The following OXR1 variants were observed in gnomAD, a reference collection of about 807,000 sequenced individuals.
OXR1 encodes the protein oxidation resistance 1, also known as oxidation resistance protein 1.
In OXR1, 41 loss-of-function variants were observed where a neutral mutation model predicts 104.6. That is an observed-to-expected ratio of 0.39 (90% CI 0.31 to 0.51). The LOEUF is 0.51. Among genes scored for constraint, OXR1 ranks in the 20% least tolerant of loss-of-function variants. The probability of loss-of-function intolerance (pLI) is 0.77; values close to 1 mark genes in which losing one functional copy is unlikely to be tolerated. For missense variants in OXR1, 955 were observed against 1,031.9 expected (o/e 0.93, Z 1.02); for synonymous variants, 348 against 348.4 (o/e 1.00, Z 0.01).
intron 4 of OXR1, among the ~76,000 whole-genome samples, chr8:106,680,380 A>G (rs1828029672): frequency 6.6e-6 from 1 of 152,122 alleles, no homozygotes; most frequent in Non-Finnish European, 1.5e-5. Context: ...TTAGATATAT[A>G]CATGTTTTTA....
chr8:106,593,312 GGCTGCACCCATGA>G (rs1222691828), intron 3 of OXR1, among the ~76,000 whole-genome samples: 1 of 152,158 alleles, frequency 6.6e-6, no homozygotes. Flanking sequence ...CCCTGACACA[GGCTGCACCCATGA>G]AGGGGAGAGT....
At chr8:106,559,121 C>A (rs947119694) in intron 3 of OXR1, among the ~76,000 whole-genome samples, 1 of 152,074 alleles carries the variant, frequency 6.6e-6, no homozygotes, top group African/African-American at 2.4e-5. Context: ...TCTGAAATAC[C>A]CCATTTAATC....
At chr8:106,387,398 C>T (rs780333282) in intron 2 of OXR1, among the ~76,000 whole-genome samples, 1 of 152,192 alleles carries the variant, frequency 6.6e-6, no homozygotes, top group Non-Finnish European at 1.5e-5. Context: ...CTCTCTCCAT[C>T]TAGACACAAT....
chr8:106,499,109 C>A (rs1282924822), intron 2 of OXR1, among the ~76,000 whole-genome samples: 1 of 16,448 alleles, frequency 6.1e-5, no homozygotes, highest in East Asian at 4.7e-4. Context: ...TTGCAGTGAG[C>A]CGAGATTGCG....
At chr8:106,727,772 CATGCCTGAGCAAG>C (rs1833493586) in intron 11 of OXR1, among the ~76,000 whole-genome samples, 1 of 152,096 alleles carries the variant, frequency 6.6e-6, no homozygotes, top group South Asian at 2.1e-4. Context: ...TACTTTATTT[CATGCCTGAGCAAG>C]AATGCTTCCT....
intron 1 of OXR1, among the ~76,000 whole-genome samples, chr8:106,320,087 G>T (rs1459990336): frequency 6.6e-6 from 1 of 152,196 alleles, no homozygotes; most frequent in Non-Finnish European, 1.5e-5. Context: ...ATGTAATGAT[G>T]CATTCAAAGC....
At chr8:106,669,669 T>G (rs1448518878) in intron 3 of OXR1, among the ~76,000 whole-genome samples, 1 of 152,192 alleles carries the variant, frequency 6.6e-6, no homozygotes, top group Non-Finnish European at 1.5e-5. Context: ...GTCAAACTTT[T>G]TATACATAGC....
intron 3 of OXR1, among the ~76,000 whole-genome samples, chr8:106,568,818 G>A (rs1399227091): frequency 2.0e-5 from 3 of 152,038 alleles, no homozygotes; most frequent in Non-Finnish European, 2.9e-5. Context: ...ATAAATAAAT[G>A]TAAGACATTA....
chr8:106,526,682 A>G (rs1813699511), intron 3 of OXR1, among the ~76,000 whole-genome samples: 1 of 152,164 alleles, frequency 6.6e-6, no homozygotes, highest in Non-Finnish European at 1.5e-5. Context: ...AGCTGGGACT[A>G]CAGGCGTCCG....
chr8:106,425,799 A>T (rs1300199854), intron 2 of OXR1, among the ~76,000 whole-genome samples: 32 of 152,178 alleles, frequency 2.1e-4, no homozygotes, highest in Admixed American at 2.1e-3. Context: ...GGTGGAGTTG[A>T]CGCAGGTCTT....
rs571191149 is a variant in OXR1, at chr8:106,566,362, GA to G, written c.220+47231del. On this transcript the variant is annotated intron_variant, in intron 3 of 16. Transcript: ENST00000517566. ...AAACATTTATGTGGCCAACTAACAT[GA>G]AAAAAAAGCTCATCACCACTGGTCA... 4.9e-3 allele frequency among the ~76,000 whole-genome samples: 737 copies of G among 151,762 alleles called. 5 individuals carry two copies. Among genetic ancestry groups the G allele is most frequent in the Non-Finnish European group, 7.6e-3 (513 of 67,846 alleles).
chr8:106,640,449 C>T (rs1823535162), intron 3 of OXR1, among the ~76,000 whole-genome samples: 1 of 151,536 alleles, frequency 6.6e-6, no homozygotes, highest in South Asian at 2.1e-4. Flanking sequence ...CCTTATAATG[C>T]AGATAATCAT....
intron 11 of OXR1, among the ~76,000 whole-genome samples, chr8:106,721,705 A>G (rs921267198): frequency 1.3e-5 from 2 of 152,364 alleles, no homozygotes; most frequent in East Asian, 1.9e-4. Flanking sequence ...ATAAACCTCT[A>G]TACTATTATT....
At chr8:106,440,126 G>A (rs11995544) in intron 2 of OXR1, among the ~76,000 whole-genome samples, 33,755 of 151,920 alleles carry the variant, frequency 0.22, 5,136 homozygotes, top group East Asian at 0.42. Context: ...GTGGGACTGC[G>A]TTGGTAATTT....
At chr8:106,682,901 C>T (rs1828319592) in intron 4 of OXR1, among the ~76,000 whole-genome samples, 1 of 151,966 alleles carries the variant, frequency 6.6e-6, no homozygotes, top group South Asian at 2.1e-4. Flanking sequence ...ATTTTAAAAC[C>T]TTTGTAAAAT....
intron 2 of OXR1, among the ~76,000 whole-genome samples, chr8:106,374,022 G>A (rs767815076): frequency 6.6e-6 from 1 of 152,212 alleles, no homozygotes; most frequent in Non-Finnish European, 1.5e-5. Flanking sequence ...GAAGTCACTC[G>A]TGTATCTCCC....
chr8:106,329,112 C>T (rs1241724499), intron 1 of OXR1, among the ~76,000 whole-genome samples: 6 of 152,076 alleles, frequency 3.9e-5, no homozygotes, highest in African/African-American at 1.4e-4. Context: ...CTGCCTCAGC[C>T]TCCCGAGTAG....
chr8:106,470,032 G>C (rs764747970), intron 2 of OXR1, among the ~76,000 whole-genome samples: 2 of 151,730 alleles, frequency 1.3e-5, no homozygotes, highest in African/African-American at 2.4e-5. Flanking sequence ...GATCAGTTTG[G>C]GGAGCAGCAA....
intron 3 of OXR1, chr8:106,618,098 TC>T: frequency 1.3e-6 from 2 of 1,535,868 alleles, no homozygotes; most frequent in Non-Finnish European, 1.7e-6. Flanking sequence ...GAATCAAAAT[TC>T]CTGTCTCCTC....
Sources: gnomAD v4.1 joint callset for allele counts (sites outside exome capture counted in the v4.1 genomes callset) on GRCh38, gnomAD v4.1.1 for gene constraint, MANE v1.5 for transcripts, NCBI Gene and HGNC (gene_info 2026-07-23, HGNC 2026-07-21) for gene names.